Variants in COPA observed in about 807,000 individuals in gnomAD.
The protein encoded by COPA is coat protein complex I subunit alpha.
A neutral mutation model predicts 158.7 loss-of-function variants in COPA; 10 were observed. The observed-to-expected ratio is 0.06, with a 90% CI of 0.04 to 0.11. COPA has a LOEUF of 0.11. Ranked by LOEUF, COPA falls within the 10% of genes least tolerant of loss-of-function variation. The pLI, the probability that COPA is intolerant of heterozygous loss-of-function variation, is 1.00. For synonymous variants in COPA, 462 were observed against 542.8 expected (o/e 0.85, Z 2.07); for missense variants, 1,065 against 1,536.7 (o/e 0.69, Z 5.13).
chr1:160,336,719 T>A (rs1022239492), intron 3 of COPA, among the ~76,000 whole-genome samples: 3 of 152,222 alleles, frequency 2.0e-5, no homozygotes, highest in African/African-American at 4.8e-5. Context: ...TTAATTTTTT[T>A]AAATTTCTTT....
At chr1:160,340,437 G>A in intron 1 of COPA, 143 bp from the exon 2 acceptor site, 1 of 611,680 alleles carries the variant, frequency 1.6e-6, no homozygotes. Flanking sequence ...CTGGATGCCA[G>A]ACATCGTGAA....
intron 27 of COPA, 74 bp from the exon 28 acceptor site, chr1:160,292,694 TA>T: frequency 8.0e-7 from 1 of 1,257,838 alleles, no homozygotes; most frequent in Non-Finnish European, 1.1e-6. Context: ...GCAAGGTAAT[TA>T]ATTTCTCTGT....
Position 160,305,589 on chromosome 1 carries a change from C to A in COPA, c.1529-18G>T. On this transcript the variant is annotated intron_variant, in intron 16 of 32. Coordinates refer to ENST00000241704, the MANE Select transcript of COPA (RefSeq NM_004371.4). ...CACAATGGCTGTAAGAGGCAAAGGG[C>A]ATGAGTGTTCTGTTGGATAGGGTAA... The A allele has an allele frequency of 6.2e-7, 1 of 1,613,784 alleles. No individual in the cohort carries two copies. The highest frequency in any genetic ancestry group is 8.5e-7 in the Non-Finnish European group (1 of 1,179,852).
chr1:160,290,423 A>AGGCT, intron 32 of COPA, 69 bp downstream of exon 32: 2 of 1,533,244 alleles, frequency 1.3e-6, no homozygotes, highest in Non-Finnish European at 1.8e-6. Flanking sequence ...GAAAAAAAGG[A>AGGCT]CCACCATGTT....
Position 160,293,431 on chromosome 1 carries a change from T to A in COPA, c.2709A>T (p.Glu903Asp), listed in dbSNP as rs1250907692. ...TGGTTGGGGGCACAAAGAAACCATCTTCAGCCCCACCAGCTGCCCCAGGGG... is the reference window on the plus strand; with the variant it reads ...TGGTTGGGGGCACAAAGAAACCATCATCAGCCCCACCAGCTGCCCCAGGGG... ...DISPGAAGGA[E>D]DGFFVPPTKG... Residue 903 changes from glutamate to aspartate, a missense_variant, in exon 26 of 33, where the codon GAA (glutamate) becomes GAT (aspartate). By Grantham distance (45) the Glu-to-Asp change is conservative (BLOSUM62 2). This residue lies in a region of COPA where 980 missense variants were observed against 1,357.8 expected (regional missense o/e 0.72). Coordinates refer to ENST00000241704, the MANE Select transcript of COPA (RefSeq NM_004371.4). 4 of 1,610,314 alleles carry A rather than the reference T, an allele frequency of 2.5e-6. No homozygotes were observed. The highest frequency in any genetic ancestry group is 3.4e-6 in the Non-Finnish European group (4 of 1,178,846).
rs1283907371 is a variant in COPA, at chr1:160,291,812, A to G, written c.3258+7T>C. The G allele has an allele frequency of 1.9e-6, 3 of 1,613,504 alleles. No homozygotes were observed. Among genetic ancestry groups the G allele is most frequent in the Non-Finnish European group, 2.5e-6 (3 of 1,179,618 alleles). On this transcript the variant is annotated splice_region_variant and intron_variant, in intron 30 of 32. Transcript: ENST00000241704. ...CTCTGTTGTGCTCAGGGTCCTATAG[A>G]TCTTACCTCACAGATGCGCTTCTGC... is the stretch of plus-strand genomic sequence containing the variant.
In COPA at chr1:160,291,347, C is replaced by T. The variant is rs1420095355; in HGVS notation, c.3408G>A (p.Glu1136=). ...RRLLELGPKP[E]VAQQTRKILS... ...GAGTTCCATCTACCTGTTGGGCCAC[C>T]TCAGGCTTGGGCCCGAGTTCTAGTA... is the stretch of plus-strand genomic sequence containing the variant. The change falls in exon 31 of 33, where the codon GAG becomes GAA. Residue 1136 remains glutamate (E), a synonymous_variant. Coordinates refer to ENST00000241704, the MANE Select transcript of COPA (RefSeq NM_004371.4). 2 of 1,613,562 alleles carry T rather than the reference C, an allele frequency of 1.2e-6. No individual in the cohort carries two copies. The highest frequency in any genetic ancestry group is 3.3e-5 in the Admixed American group (2 of 60,000).
chr1:160,303,409 CA>C (rs1658680867), intron 17 of COPA, among the ~76,000 whole-genome samples: 1 of 152,148 alleles, frequency 6.6e-6, no homozygotes. Flanking sequence ...TTATGTATAA[CA>C]AAGACGAGAC....
chr1:160,303,250 T>C (rs1014282964), intron 17 of COPA, among the ~76,000 whole-genome samples: 1 of 152,046 alleles, frequency 6.6e-6, no homozygotes, highest in Non-Finnish European at 1.5e-5. Context: ...CAAAATTTAC[T>C]TGAAAATACC....
At position 160,307,100 on chromosome 1, in the gene COPA, G is replaced by A. The variant is rs61198372; in HGVS notation, c.1302+63C>T. 1.0e-3 allele frequency: 1,486 copies of A among 1,478,718 alleles called. 15 individuals are homozygous for A. In the African/African-American group the frequency reaches 0.018, roughly 18 times the overall value. The allele number at this position is 1,478,718 out of a possible 1,614,324, so 91.6% of individuals were successfully genotyped here. A position where few individuals can be genotyped will look rare whatever the true frequency, so the allele number is the denominator to read the frequency against. ...CAGAAAAAACAATGGTCTTTATTTT[G>A]CAATACACAGGCCACTGCCACCACA... is the stretch of plus-strand genomic sequence containing the variant. On this transcript the variant is annotated intron_variant, in intron 14 of 32. Coordinates refer to ENST00000241704, the MANE Select transcript of COPA (RefSeq NM_004371.4).
chr1:160,341,762 T>C (rs931824560), intron 1 of COPA, among the ~76,000 whole-genome samples: 8 of 152,244 alleles, frequency 5.3e-5, no homozygotes, highest in Non-Finnish European at 1.0e-4. Context: ...ATTTTAATTA[T>C]TTATTGAACA....
At chr1:160,295,999 A>T in intron 22 of COPA, 62 bp downstream of exon 22, 1 of 1,588,218 alleles carries the variant, frequency 6.3e-7, no homozygotes, top group Non-Finnish European at 8.6e-7. Flanking sequence ...ATAATTTTAA[A>T]TTGTTCTAAG....
Position 160,299,184 on chromosome 1 carries a change from C to T in COPA, c.1748G>A (p.Arg583Lys). 6.2e-7 allele frequency: 1 copy of T among 1,614,150 alleles called. No homozygotes were observed. The highest frequency in any genetic ancestry group is 8.5e-7 in the Non-Finnish European group (1 of 1,180,034). The stretch of plus-strand genomic sequence containing the variant: ...GGTGAGTACCCGGGGACGACACTCC[C>T]TGTCTAGGCAGTATACATTGTTGCC... ...VKGNNVYCLD[R>K]ECRPRVLTID... The change falls in exon 18 of 33, where the codon AGG (arginine) becomes AAG (lysine). Residue 583 changes from arginine (R) to lysine (K), a missense_variant. Arg to Lys is a conservative substitution (Grantham distance 26). This residue lies in a region of COPA where 980 missense variants were observed against 1,357.8 expected (regional missense o/e 0.72). Transcript: ENST00000241704.
Position 160,294,364 on chromosome 1 carries a change from C to T in COPA, c.2676+120G>A, listed in dbSNP as rs144160699. ...TAGTCCCCTTCCCAGAAGGGCTGAC[C>T]TTAGGATAGTGGTAGGGGATAGGAT... is the stretch of plus-strand genomic sequence containing the variant. On this transcript the variant is annotated intron_variant, in intron 25 of 32. Coordinates refer to ENST00000241704, the MANE Select transcript of COPA (RefSeq NM_004371.4). 228 of 822,156 alleles carry T rather than the reference C, an allele frequency of 2.8e-4. 2 individuals are homozygous for T. Among genetic ancestry groups the T allele is most frequent in the Middle Eastern group, 8.1e-4 (3 of 3,700 alleles). 50.9% of individuals were successfully genotyped at this position (822,156 alleles called of 1,614,324 possible).
chr1:160,309,175 C>T lies in COPA; in HGVS notation c.1145G>A (p.Arg382Lys), dbSNP rs139316633. Residue 382 changes from arginine (R) to lysine (K), a missense_variant and splice_region_variant, in exon 13 of 33, where the codon AGA (arginine) becomes AAA (lysine). By Grantham distance (26) the Arg-to-Lys change is conservative. Around this residue, in one of 2 missense-constraint regions of COPA, gnomAD observed 980 missense variants for 1,357.8 expected, o/e 0.72. Coordinates refer to ENST00000241704, the MANE Select transcript of COPA (RefSeq NM_004371.4). Reference protein sequence around the residue: ...PAENAVLLCTRASNLENSTYD... With the variant: ...PAENAVLLCTKASNLENSTYD... The stretch of plus-strand genomic sequence containing the variant: ...GGTACTATTCTCTAGATTGCTAGCT[C>T]TCTGTAGAAGAAAAGGGGAAATTAA... 6.2e-7 allele frequency: 1 copy of T among 1,611,406 alleles called. No homozygotes were observed. Among genetic ancestry groups the T allele is most frequent in the Non-Finnish European group, 8.5e-7 (1 of 1,177,720 alleles).
In COPA at chr1:160,293,455, G is replaced by T; in HGVS notation, c.2685C>A (p.Ser895=). The T allele has an allele frequency of 6.3e-7, 1 of 1,593,336 alleles. No homozygotes were observed. Among genetic ancestry groups the T allele is most frequent in the Non-Finnish European group, 8.5e-7 (1 of 1,173,770 alleles). The part of the protein sequence containing the change: ...DLELPPELDI[S]PGAAGGAEDG... ...CTTCAGCCCCACCAGCTGCCCCAGG[G>T]GATATATCCTAGGGGAAAAACAAAA... Residue 895 remains serine (S), a synonymous_variant, in exon 26 of 33, where the codon TCC becomes TCA. Transcript: ENST00000241704.
At position 160,332,564 on chromosome 1, in the gene COPA, G is replaced by GA. The variant is rs750590749; in HGVS notation, c.387-8dup. On this transcript the variant is annotated splice_region_variant and splice_polypyrimidine_tract_variant and intron_variant, in intron 5 of 32. Transcript: ENST00000241704. ...GTTGTGCCCTGTTAACACACTGCAA[G>GA]AAAAAAAAAAGACAATACCAAATTA... 8.0e-3 allele frequency: 10,815 copies of GA among 1,355,144 alleles called. No homozygotes were observed. The highest frequency in any genetic ancestry group is 0.012 in the South Asian group (797 of 67,744). The allele number at this position is 1,355,144 out of a possible 1,614,324, so 83.9% of individuals were successfully genotyped here.
rs773311842 is a variant in COPA, at chr1:160,340,267, C to G, written c.68G>C (p.Trp23Ser). Residue 23 changes from tryptophan (W) to serine (S), a missense_variant, in exon 2 of 33, where the codon TGG (tryptophan) becomes TCG (serine). By Grantham distance (177) the Trp-to-Ser change is radical. Transcript: ENST00000241704. ...KGLSFHPKRP[W>S]ILTSLHNGVI... ...CCCATTATGTAAACTAGTCAGGATCCAAGGTCTTTTGGGGTGAAAGCTGAG... is the reference window on the plus strand; with the variant it reads ...CCCATTATGTAAACTAGTCAGGATCGAAGGTCTTTTGGGGTGAAAGCTGAG... 6.2e-7 allele frequency: 1 copy of G among 1,613,342 alleles called. No homozygotes were observed.
intron 8 of COPA, 49 bp downstream of exon 8, chr1:160,323,382 C>G: frequency 6.6e-7 from 1 of 1,506,350 alleles, no homozygotes; most frequent in Non-Finnish European, 9.0e-7. Context: ...CTTTACCTTG[C>G]TGGCTGGCAG....
Sources: gnomAD v4.1 joint callset for allele counts (sites outside exome capture counted in the v4.1 genomes callset) on GRCh38, gnomAD v4.1.1 for gene constraint, gnomAD v4.1.1 regional missense constraint, MANE v1.5 for transcripts, NCBI Gene and HGNC (gene_info 2026-07-23, HGNC 2026-07-21) for gene names.